PKIB: variants seen among roughly 807,000 people sequenced by gnomAD.
PKIB encodes the protein cAMP-dependent protein kinase inhibitor beta, also known as PKI-beta.
PKIB carries 2 observed loss-of-function variants against 4.5 expected under a neutral mutation model. The observed-to-expected ratio is 0.44, with a 90% CI of 0.18 to 1.39. The LOEUF (loss-of-function observed/expected upper bound fraction) is 1.39. Among genes scored for constraint, PKIB ranks in the 40% most tolerant of loss-of-function variants. The pLI is 0.27. For synonymous variants in PKIB, 38 were observed against 36.0 expected (o/e 1.06, Z -0.20); for missense variants, 94 against 92.6 (o/e 1.02, Z -0.06).
At chr6:122,485,860 G>GT (rs1775751660) in intron 2 of PKIB, among the ~76,000 whole-genome samples, 2 of 152,148 alleles carry the variant, frequency 1.3e-5, no homozygotes, top group South Asian at 4.1e-4. Flanking sequence ...GATTATTGCT[G>GT]TATGTCTTGC....
chr6:122,637,625 A>G (rs2815579), intron 2 of PKIB, among the ~76,000 whole-genome samples: 150,710 of 151,904 alleles, frequency 0.99, 74,772 homozygotes, highest in Middle Eastern at 1. Context: ...GCGTGGTGGC[A>G]GGTGCCTGTA....
At chr6:122,552,600 A>G (rs1176347214) in intron 2 of PKIB, among the ~76,000 whole-genome samples, 1 of 151,256 alleles carries the variant, frequency 6.6e-6, no homozygotes, top group Non-Finnish European at 1.5e-5. Context: ...CTCGTCTCAA[A>G]CTCCAGGCCT....
At chr6:122,590,634 C>G (rs1283605204) in intron 3 of PKIB, among the ~76,000 whole-genome samples, 2 of 152,060 alleles carry the variant, frequency 1.3e-5, no homozygotes, top group African/African-American at 4.8e-5. Context: ...TTATTTAGCT[C>G]TTTAGTTAAC....
At chr6:122,708,730 T>G (rs1779156906) in intron 3 of PKIB, among the ~76,000 whole-genome samples, 1 of 152,034 alleles carries the variant, frequency 6.6e-6, no homozygotes. Flanking sequence ...TCCTCCCGGG[T>G]TCAAGTGATT....
intron 3 of PKIB, among the ~76,000 whole-genome samples, chr6:122,716,845 A>C (rs971375154): frequency 6.6e-6 from 1 of 152,142 alleles, no homozygotes; most frequent in Non-Finnish European, 1.5e-5. Context: ...TAGGGTGTCT[A>C]TCTCTGCAGG....
chr6:122,583,290 G>T (rs1482281604), intron 2 of PKIB, among the ~76,000 whole-genome samples: 1 of 151,956 alleles, frequency 6.6e-6, no homozygotes, highest in Non-Finnish European at 1.5e-5. Context: ...CATTATGCAG[G>T]CAGCAAACTG....
In PKIB at chr6:122,692,083, G is replaced by T. The variant is rs180736909; in HGVS notation, c.-9+16939G>T. Among the ~76,000 whole-genome samples, 848 of 152,336 alleles carry T rather than the reference G, an allele frequency of 5.6e-3. 1 individual carries two copies. Among genetic ancestry groups the T allele is most frequent in the Middle Eastern group, 0.034 (10 of 294 alleles). On this transcript the variant is annotated intron_variant, in intron 3 of 4. Coordinates refer to ENST00000368452, the MANE Select transcript of PKIB (RefSeq NM_181795.3). Reference sequence around the variant, plus strand: ...TGTGCTGAGCTGCCTGGAGCTGGAAGAAGGGTGACACAAGCACCCCTGTGA... The same window carrying T: ...TGTGCTGAGCTGCCTGGAGCTGGAATAAGGGTGACACAAGCACCCCTGTGA...
intron 1 of PKIB, among the ~76,000 whole-genome samples, chr6:122,623,870 T>C (rs2114797051): frequency 6.6e-6 from 1 of 152,256 alleles, no homozygotes; most frequent in South Asian, 2.1e-4. Context: ...ATATATTTCA[T>C]TGGCAGGAGC....
intron 2 of PKIB, chr6:122,652,857 C>T (rs1486676987): frequency 6.6e-5 from 10 of 152,344 alleles, no homozygotes; most frequent in Non-Finnish European, 1.3e-4. Context: ...TTGGCTCTTC[C>T]CCCGGTTCCC....
At chr6:122,675,804 T>A (rs1203535015) in intron 3 of PKIB, among the ~76,000 whole-genome samples, 1 of 152,030 alleles carries the variant, frequency 6.6e-6, no homozygotes, top group Non-Finnish European at 1.5e-5. Context: ...TGAAAAAAAA[T>A]TATGTTTTTT....
chr6:122,652,318 GTGTGTGTGTGTGTGTGGA>G (rs898863970), intron 2 of PKIB, among the ~76,000 whole-genome samples: 2 of 120,060 alleles, frequency 1.7e-5, no homozygotes, highest in Non-Finnish European at 3.4e-5. Flanking sequence ...GTGTGTGTGT[GTGTGTGTGTGTGTGTGGA>G]GAGAGAGAGA....
At chr6:122,490,516 A>C (rs1775909744) in intron 2 of PKIB, among the ~76,000 whole-genome samples, 1 of 152,048 alleles carries the variant, frequency 6.6e-6, no homozygotes. Flanking sequence ...TGAGTGGTTT[A>C]GCACCATCCT....
At chr6:122,576,714 T>A (rs764103430) in intron 2 of PKIB, among the ~76,000 whole-genome samples, 1 of 88,434 alleles carries the variant, frequency 1.1e-5, no homozygotes, top group African/African-American at 4.5e-5. Context: ...ATATATATTT[T>A]CTTTTGTATA....
At chr6:122,581,109 T>A (rs1773689972) in intron 2 of PKIB, among the ~76,000 whole-genome samples, 1 of 152,186 alleles carries the variant, frequency 6.6e-6, no homozygotes, top group Admixed American at 6.6e-5. Flanking sequence ...CAACTAACTC[T>A]TCAAATAGCT....
chr6:122,669,433 T>G (rs1378265636), intron 2 of PKIB, among the ~76,000 whole-genome samples: 2 of 152,164 alleles, frequency 1.3e-5, no homozygotes, highest in African/African-American at 4.8e-5. Context: ...TTTTAATCAT[T>G]AACCCTTTCC....
At chr6:122,486,982 G>C (rs571327931) in intron 2 of PKIB, among the ~76,000 whole-genome samples, 1 of 152,050 alleles carries the variant, frequency 6.6e-6, no homozygotes, top group Admixed American at 6.6e-5. Context: ...TTAAAAATAA[G>C]TTGTAGACAT....
intron 2 of PKIB, among the ~76,000 whole-genome samples, chr6:122,538,787 A>G (rs2114631427): frequency 6.6e-6 from 1 of 152,134 alleles, no homozygotes. Flanking sequence ...CCATTTTCAC[A>G]ATATTGATTC....
At chr6:122,484,896 G>T (rs189004116) in intron 2 of PKIB, among the ~76,000 whole-genome samples, 1 of 152,158 alleles carries the variant, frequency 6.6e-6, no homozygotes, top group East Asian at 1.9e-4. Flanking sequence ...AGGAGTATGC[G>T]CCAGAAACAA....
At chr6:122,504,321 TA>T (rs1431726225) in intron 2 of PKIB, among the ~76,000 whole-genome samples, 1 of 152,226 alleles carries the variant, frequency 6.6e-6, no homozygotes, top group Non-Finnish European at 1.5e-5. Context: ...TTCCTTCTGA[TA>T]AAATAACTCA....
Sources: gnomAD v4.1 joint callset for allele counts (sites outside exome capture counted in the v4.1 genomes callset) on GRCh38, gnomAD v4.1.1 for gene constraint, MANE v1.5 for transcripts, NCBI Gene and HGNC (gene_info 2026-07-23, HGNC 2026-07-21) for gene names.